Variants in WDFY4 observed in about 807,000 individuals in gnomAD.
The protein encoded by WDFY4 is WD repeat- and FYVE domain-containing protein 4.
A neutral mutation model predicts 351.9 loss-of-function variants in WDFY4; 169 were observed. The ratio of observed to expected loss-of-function variants is 0.48; its 90% confidence interval spans 0.42 to 0.55. WDFY4 has a LOEUF of 0.55. WDFY4 is among the 20% of genes least tolerant of loss of function. WDFY4 has a pLI of 0.00. For missense variants in WDFY4, 3,803 were observed against 3,935.6 expected, an observed-to-expected ratio of 0.97 and a Z score of 0.90; for synonymous variants, 1,622 against 1,574.6, an observed-to-expected ratio of 1.03 and a Z score of -0.71.
chr10:48,894,618 A>G (rs1358118362), intron 44 of WDFY4, among the ~76,000 whole-genome samples: 2 of 152,252 alleles, frequency 1.3e-5, no homozygotes, highest in East Asian at 1.9e-4. Context: ...CTTAGCAAAC[A>G]TGTCCTGAGC....
chr10:48,717,052 G>A (rs1441223978), intron 2 of WDFY4, among the ~76,000 whole-genome samples: 1 of 152,204 alleles, frequency 6.6e-6, no homozygotes, highest in Non-Finnish European at 1.5e-5. Context: ...CCACTTAACT[G>A]ATTTCTCTTA....
chr10:48,976,889 A>C lies in WDFY4; in HGVS notation c.9201A>C (p.Glu3067Asp). Reference sequence around the variant, plus strand: ...GCATCACCACAGCCTGGGGCCCAGAAGGAGCCATAACCTGCTGCTGCCTGA... The same window carrying C: ...GCATCACCACAGCCTGGGGCCCAGACGGAGCCATAACCTGCTGCTGCCTGA... ...LASITTAWGPEGAITCCCLME... is the reference protein window; with the variant it reads ...LASITTAWGPDGAITCCCLME... Residue 3067 changes from glutamate to aspartate, a missense_variant, in exon 59 of 62, where the codon GAA (glutamate) becomes GAC (aspartate). Around this residue, in one of 3 missense-constraint regions of WDFY4, gnomAD observed 3,054 missense variants for 3,148.6 expected, o/e 0.97. Transcript: ENST00000325239. The C allele has an allele frequency of 6.5e-7, 1 of 1,542,300 alleles. No homozygotes were observed. Among genetic ancestry groups the C allele is most frequent in the Non-Finnish European group, 8.8e-7 (1 of 1,141,868 alleles).
At chr10:48,977,046 T>C in intron 59 of WDFY4, 67 bp downstream of exon 59, 6 of 1,298,378 alleles carry the variant, frequency 4.6e-6, no homozygotes, top group Non-Finnish European at 5.9e-6. Context: ...TCTTCTCACT[T>C]CCTCCAGGGG....
Position 48,946,918 on chromosome 10 carries a change from C to T in WDFY4, c.7926C>T (p.Ala2642=), listed in dbSNP as rs1368235244. Residue 2642 remains alanine, a synonymous_variant, in exon 51 of 62, where the codon GCC becomes GCT. Coordinates refer to ENST00000325239, the MANE Select transcript of WDFY4 (RefSeq NM_001394531.1). ...YTHYSSAIIV[A]SYLVRMPPFT... The stretch of plus-strand genomic sequence containing the variant: ...ACTACTCCTCGGCCATCATCGTGGC[C>T]TCCTACCTGGTCCGGATGCCACCCT... The T allele has an allele frequency of 6.4e-7, 1 of 1,552,068 alleles. No homozygotes were observed. Among genetic ancestry groups the T allele is most frequent in the East Asian group, 2.4e-5 (1 of 40,928 alleles).
intron 35 of WDFY4, among the ~76,000 whole-genome samples, chr10:48,822,841 G>A (rs2067870204): frequency 6.6e-6 from 1 of 152,186 alleles, no homozygotes; most frequent in South Asian, 2.1e-4. Context: ...TATTGTGATT[G>A]TTGGTTTGAC....
chr10:48,725,823 C>A (rs896031072), intron 5 of WDFY4, 58 bp from the exon 6 acceptor site: 4 of 1,471,294 alleles, frequency 2.7e-6, no homozygotes, highest in Non-Finnish European at 3.7e-6. Flanking sequence ...ACAAATCCAT[C>A]TGAGGAAGGA....
chr10:48,739,815 G>A (rs957447018), intron 11 of WDFY4, among the ~76,000 whole-genome samples: 1 of 152,190 alleles, frequency 6.6e-6, no homozygotes, highest in African/African-American at 2.4e-5. Context: ...AACCCACTGA[G>A]AGACACAGAT....
At chr10:48,717,815 C>G (rs2063956932) in intron 2 of WDFY4, among the ~76,000 whole-genome samples, 1 of 152,146 alleles carries the variant, frequency 6.6e-6, no homozygotes, top group Admixed American at 6.5e-5. Context: ...AAAGCATATT[C>G]AGTAATTTTT....
chr10:48,897,347 A>G (rs1837133781), intron 44 of WDFY4, 107 bp from the exon 45 acceptor site: 2 of 1,454,668 alleles, frequency 1.4e-6, no homozygotes, highest in South Asian at 2.7e-5. Context: ...CTGATGTGTC[A>G]TTGGAAATGT....
intron 20 of WDFY4, among the ~76,000 whole-genome samples, chr10:48,787,977 TCTTCTTCTC>T (rs1565199358): frequency 7.9e-4 from 73 of 92,316 alleles, no homozygotes; most frequent in South Asian, 6.2e-3. Flanking sequence ...TTCTTCTTCT[TCTTCTTCTC>T]CTTCTCCTTC....
At position 48,776,819 on chromosome 10, in the gene WDFY4, G is replaced by A; in HGVS notation, c.2933G>A (p.Gly978Glu). The A allele has an allele frequency of 6.4e-7, 1 of 1,551,640 alleles. No homozygotes were observed. The highest frequency in any genetic ancestry group is 8.7e-7 in the Non-Finnish European group (1 of 1,147,024). ...PAAPDAGLHP[G>E]VTQAPQPLGE... ...GCCCCAGATGCTGGGCTGCACCCTGGAGTCACACAGGCCCCGCAGCCCTTG... is the reference window on the plus strand; with the variant it reads ...GCCCCAGATGCTGGGCTGCACCCTGAAGTCACACAGGCCCCGCAGCCCTTG... Residue 978 changes from glycine (G) to glutamate (E), a missense_variant, in exon 16 of 62, where the codon GGA (glycine) becomes GAA (glutamate). Around this residue, in one of 3 missense-constraint regions of WDFY4, gnomAD observed 3,054 missense variants for 3,148.6 expected, o/e 0.97. Coordinates refer to ENST00000325239, the MANE Select transcript of WDFY4 (RefSeq NM_001394531.1).
chr10:48,870,791 T>C (rs1215506725), intron 40 of WDFY4, among the ~76,000 whole-genome samples: 1 of 152,210 alleles, frequency 6.6e-6, no homozygotes, highest in Non-Finnish European at 1.5e-5. Context: ...TGTAACTTGC[T>C]ATCATGGACT....
intron 1 of WDFY4, among the ~76,000 whole-genome samples, chr10:48,686,314 C>T (rs1275682186): frequency 5.3e-5 from 4 of 76,092 alleles, no homozygotes; most frequent in African/African-American, 1.4e-4. Flanking sequence ...AACTCCATCT[C>T]CAAAAAAAAA....
chr10:48,877,144 TG>T lies in WDFY4; in HGVS notation c.7114del (p.Glu2372AsnfsTer19). 1 of 1,551,702 alleles carries T rather than the reference TG, an allele frequency of 6.4e-7. No individual in the cohort carries two copies. Among genetic ancestry groups the T allele is most frequent in the Non-Finnish European group, 8.7e-7 (1 of 1,146,942 alleles). On this transcript the variant is annotated frameshift_variant, in exon 43 of 62. Coordinates refer to ENST00000325239, the MANE Select transcript of WDFY4 (RefSeq NM_001394531.1). LOFTEE classifies it high-confidence loss of function. Reference sequence around the variant, plus strand: ...GAAAGTCTGCACTCAGAAGACTTCTTGGAACTGTGTCGGGAAAGACAAGTTA... The same window carrying T: ...GAAAGTCTGCACTCAGAAGACTTCTTGAACTGTGTCGGGAAAGACAAGTTA... ...LHESLHSEDF[L>X]ELCRERQVIL...
At chr10:48,862,625 A>G (rs972956319) in intron 39 of WDFY4, among the ~76,000 whole-genome samples, 3 of 152,330 alleles carry the variant, frequency 2.0e-5, no homozygotes, top group African/African-American at 7.2e-5. Flanking sequence ...ATTACAATGT[A>G]ATAATAATAG....
chr10:48,876,320 A>G (rs2070006882), intron 42 of WDFY4, among the ~76,000 whole-genome samples: 1 of 152,272 alleles, frequency 6.6e-6, no homozygotes, highest in Non-Finnish European at 1.5e-5. Flanking sequence ...CTAGAGATGA[A>G]AAAACCAGAC....
At chr10:48,919,285 T>TA (rs1053254215) in intron 47 of WDFY4, among the ~76,000 whole-genome samples, 9 of 151,440 alleles carry the variant, frequency 5.9e-5, no homozygotes, top group African/African-American at 1.7e-4. Flanking sequence ...CAAACAACTC[T>TA]AAAAAAAAGA....
At chr10:48,746,525 A>G (rs1056711028) in intron 12 of WDFY4, among the ~76,000 whole-genome samples, 26 of 151,790 alleles carry the variant, frequency 1.7e-4, no homozygotes, top group African/African-American at 6.0e-4. Context: ...GTGTGGTATT[A>G]TTTCTCATTT....
At chr10:48,953,253 G>A (rs1841417746) in intron 51 of WDFY4, among the ~76,000 whole-genome samples, 1 of 150,458 alleles carries the variant, frequency 6.6e-6, no homozygotes. Context: ...ACAGGGGCTG[G>A]GTTCATTTGG....
Sources: allele counts gnomAD v4.1 joint callset (sites outside exome capture counted in the v4.1 genomes callset), GRCh38; gene constraint gnomAD v4.1.1; regional missense constraint gnomAD v4.1.1; transcripts MANE v1.5; gene names NCBI Gene and HGNC (gene_info 2026-07-23, HGNC 2026-07-21).